Variants in PCGF3 observed in about 807,000 individuals in gnomAD.
PCGF3 encodes polycomb group RING finger protein 3.
In PCGF3, 7 loss-of-function variants were observed where a neutral mutation model predicts 33.1. The ratio of observed to expected loss-of-function variants is 0.21; its 90% CI spans 0.12 to 0.40. The LOEUF is 0.40. Ranked by LOEUF, PCGF3 falls within the 10% of genes least tolerant of loss-of-function variation. The pLI is 1.00. For missense variants in PCGF3, 211 were observed against 313.3 expected (o/e 0.67, Z 2.46); for synonymous variants, 153 against 121.3 (o/e 1.26, Z -1.72).
At chr4:755,161 G>A (rs1744714122) in intron 8 of PCGF3, among the ~76,000 whole-genome samples, 1 of 152,262 alleles carries the variant, frequency 6.6e-6, no homozygotes, top group Non-Finnish European at 1.5e-5. Flanking sequence ...TTGTGTGCGT[G>A]GCACGTGTTG....
rs189535971 is a variant in PCGF3 at position 739,676 on chromosome 4, G to A, written c.262+2155G>A. On this transcript the variant is annotated intron_variant, in intron 6 of 10. Coordinates refer to ENST00000362003, the Ensembl canonical transcript of PCGF3. ...TCAGGGCAGGTGTCGTCCATGTGCT[G>A]AGCCGGGTGGCACTGAGATCTGCAT... Among the ~76,000 whole-genome samples the A allele has an allele frequency of 6.2e-4, 94 of 152,322 alleles. 1 individual carries two copies. In the East Asian group the frequency reaches 0.016, roughly 27 times the overall value.
At chr4:711,198 C>G (rs1269891825) in intron 1 of PCGF3, among the ~76,000 whole-genome samples, 1 of 152,206 alleles carries the variant, frequency 6.6e-6, no homozygotes, top group Non-Finnish European at 1.5e-5. Flanking sequence ...AGACCTCAGC[C>G]GCCCCTCCCA....
At chr4:758,013 A>G (rs1300712288) in intron 8 of PCGF3, among the ~76,000 whole-genome samples, 1 of 151,822 alleles carries the variant, frequency 6.6e-6, no homozygotes, top group African/African-American at 2.4e-5. Context: ...CTAAAATACA[A>G]AAAAATTAGC....
chr4:718,943 TTTTTTTC>T (rs1183425446), intron 1 of PCGF3, among the ~76,000 whole-genome samples: 4 of 152,198 alleles, frequency 2.6e-5, no homozygotes, highest in Admixed American at 2.0e-4. Context: ...TTCATTTTCT[TTTTTTTC>T]TTTTTTCTTT....
chr4:727,233 C>CTGTTT (rs1743367107), intron 1 of PCGF3, among the ~76,000 whole-genome samples: 1 of 61,892 alleles, frequency 1.6e-5, no homozygotes, highest in Non-Finnish European at 2.9e-5. Context: ...TAGCGAGCGT[C>CTGTTT]TTTTTTTTTT....
intron 8 of PCGF3, among the ~76,000 whole-genome samples, chr4:752,790 C>G (rs911897420): frequency 5.3e-5 from 8 of 152,242 alleles, no homozygotes; most frequent in Non-Finnish European, 1.0e-4. Flanking sequence ...TGGCTGTGAC[C>G]CCGCCAGGGC....
intron 8 of PCGF3, chr4:757,625 C>G (rs1238069529): frequency 6.6e-6 from 1 of 152,138 alleles, no homozygotes; most frequent in Admixed American, 6.5e-5. Context: ...TTAAAAAAAT[C>G]AAACTTTTTT....
At chr4:764,752 A>C in intron 9 of PCGF3, 1 of 492,294 alleles carries the variant, frequency 2.0e-6, no homozygotes, top group Non-Finnish European at 3.6e-6. Flanking sequence ...GCCCTGTAAT[A>C]TCTTATATGT....
intron 10 of PCGF3, among the ~76,000 whole-genome samples, chr4:765,447 AG>A (rs1407785574): frequency 1.4e-5 from 2 of 144,212 alleles, no homozygotes; most frequent in Admixed American, 6.8e-5. Flanking sequence ...AAAAAAAAAA[AG>A]TGATGACTCA....
chr4:764,311 C>CT (rs1745237516), intron 9 of PCGF3, among the ~76,000 whole-genome samples: 1 of 152,290 alleles, frequency 6.6e-6, no homozygotes, highest in East Asian at 1.9e-4. Flanking sequence ...TTTTAAAAGA[C>CT]TGGGGAGCCT....
intron 8 of PCGF3, among the ~76,000 whole-genome samples, chr4:747,950 T>G (rs974881925): frequency 6.6e-6 from 1 of 152,048 alleles, no homozygotes; most frequent in Non-Finnish European, 1.5e-5. Flanking sequence ...ACATGGCAGG[T>G]CAGTGGCCGG....
intron 1 of PCGF3, among the ~76,000 whole-genome samples, chr4:715,505 G>T (rs13141082): frequency 6.4e-3 from 401 of 62,686 alleles, no homozygotes; most frequent in Middle Eastern, 0.036. Context: ...ACACTGAGTG[G>T]GAGAACTGGG....
intron 3 of PCGF3, among the ~76,000 whole-genome samples, chr4:733,219 G>C (rs761656329): frequency 2.6e-4 from 39 of 152,170 alleles, no homozygotes; most frequent in Non-Finnish European, 4.4e-4. Context: ...CTCTAAACTG[G>C]GCCCAAGGGT....
At chr4:768,884 G>A (rs1213670239) in exon 11 of PCGF3, 1 of 152,526 alleles carries the variant, frequency 6.6e-6, no homozygotes, top group Admixed American at 6.5e-5. Context: ...CATTTTTTAT[G>A]CTTTTGTGCA....
At chr4:726,096 G>A (rs544292039) in intron 1 of PCGF3, among the ~76,000 whole-genome samples, 4 of 152,372 alleles carry the variant, frequency 2.6e-5, no homozygotes, top group East Asian at 3.9e-4. Flanking sequence ...AGAGGCTGGC[G>A]GGCAGGAATG....
At chr4:747,833 C>T (rs947666931) in intron 8 of PCGF3, among the ~76,000 whole-genome samples, 13 of 152,130 alleles carry the variant, frequency 8.5e-5, no homozygotes, top group Admixed American at 2.6e-4. Context: ...GCAGTGACAG[C>T]CAGCACCCAA....
chr4:767,304 CCACA>C (rs1577454902), exon 11 of PCGF3: 2 of 151,996 alleles, frequency 1.3e-5, no homozygotes, highest in South Asian at 4.2e-4. Flanking sequence ...GAATAAACAG[CCACA>C]CACACATTTT....
At chr4:732,370 T>TCCTTCC (rs1743628624) in intron 3 of PCGF3, 1 of 131,488 alleles carries the variant, frequency 7.6e-6, no homozygotes, top group Admixed American at 7.9e-5. Flanking sequence ...CCCTCCCTTC[T>TCCTTCC]CCTTCCCCTC....
exon 11 of PCGF3, chr4:768,212 A>G (rs1377019153): frequency 1.3e-5 from 2 of 152,670 alleles, no homozygotes; most frequent in Admixed American, 1.3e-4. Context: ...AACCTGACAA[A>G]ACCTCAGCAG....
Sources: gnomAD v4.1 joint callset for allele counts (sites outside exome capture counted in the v4.1 genomes callset) on GRCh38, gnomAD v4.1.1 for gene constraint, MANE v1.5 for transcripts, NCBI Gene and HGNC (gene_info 2026-07-23, HGNC 2026-07-21) for gene names.